The following DLG2 variants were observed in gnomAD, a reference collection of about 807,000 sequenced individuals.
The protein encoded by DLG2 is discs large MAGUK scaffold protein 2, also known as disks large homolog 2.
DLG2 carries 45 observed loss-of-function variants against 132.5 expected under a neutral mutation model. The observed-to-expected ratio is 0.34, with a 90% CI of 0.27 to 0.44. DLG2 has a LOEUF of 0.44. Ranked by LOEUF, DLG2 falls within the 20% of genes least tolerant of loss-of-function variation. DLG2 has a pLI of 1.00. For missense variants in DLG2, 1,045 were observed against 1,196.9 expected (o/e 0.87, Z 1.87); for synonymous variants, 424 against 419.6 (o/e 1.01, Z -0.13).
intron 3 of DLG2, among the ~76,000 whole-genome samples, chr11:85,498,962 G>T (rs973783241): frequency 1.3e-5 from 2 of 152,104 alleles, no homozygotes; most frequent in Non-Finnish European, 2.9e-5. Flanking sequence ...GAAATTTATA[G>T]CACTAAATGC....
intron 7 of DLG2, among the ~76,000 whole-genome samples, chr11:84,398,970 T>C (rs752305995): frequency 2.8e-4 from 43 of 152,218 alleles, no homozygotes; most frequent in Admixed American, 4.6e-4. Context: ...TCTATGACAC[T>C]TTCTCAGTTA....
chr11:83,741,563 A>G (rs937523973), intron 18 of DLG2, among the ~76,000 whole-genome samples: 3 of 152,178 alleles, frequency 2.0e-5, no homozygotes, highest in African/African-American at 7.2e-5. Flanking sequence ...AATAGCCACA[A>G]AGAAAACGGA....
chr11:83,842,244 A>G (rs544401573), intron 16 of DLG2, among the ~76,000 whole-genome samples: 14 of 152,212 alleles, frequency 9.2e-5, no homozygotes, highest in Admixed American at 2.6e-4. Flanking sequence ...AGGAGAAAGG[A>G]GGTGCTGTAG....
chr11:83,555,449 G>A (rs1020641268), intron 19 of DLG2, among the ~76,000 whole-genome samples: 3 of 152,192 alleles, frequency 2.0e-5, no homozygotes, highest in Non-Finnish European at 2.9e-5. Flanking sequence ...AGGTAGTGGG[G>A]AAAGGTAGTA....
chr11:85,541,001 C>G (rs117359572), intron 3 of DLG2, among the ~76,000 whole-genome samples: 2,485 of 152,358 alleles, frequency 0.016, 34 homozygotes, highest in Middle Eastern at 0.034. Flanking sequence ...TTCCCTGGAA[C>G]ACTTCCCAGG....
chr11:84,102,176 CTG>C (rs1443754050), intron 9 of DLG2, among the ~76,000 whole-genome samples: 1 of 152,098 alleles, frequency 6.6e-6, no homozygotes, highest in Non-Finnish European at 1.5e-5. Flanking sequence ...GATCACATTT[CTG>C]TGTTTTTGCA....
At chr11:84,962,760 A>G (rs1187179572) in intron 6 of DLG2, among the ~76,000 whole-genome samples, 1 of 152,230 alleles carries the variant, frequency 6.6e-6, no homozygotes, top group African/African-American at 2.4e-5. Context: ...AAGAAATAGC[A>G]GTAGTAGTGA....
rs993834458 is a variant in DLG2 at position 85,025,853 on chromosome 11, A to C, written c.357+85808T>G. On this transcript the variant is annotated intron_variant, in intron 6 of 27. Coordinates refer to ENST00000376104, the MANE Select transcript of DLG2 (RefSeq NM_001142699.3). Reference sequence around the variant, plus strand: ...TATGTATTAGAACTCAGTATATGATAAACATAACATTCTACTTTAGAGTGC... The same window carrying C: ...TATGTATTAGAACTCAGTATATGATCAACATAACATTCTACTTTAGAGTGC... 3.4e-4 allele frequency among the ~76,000 whole-genome samples: 19 copies of C among 55,082 alleles called. No individual in the cohort carries two copies. In the South Asian group the frequency reaches 7.1e-3, roughly 21 times the overall value. 36.1% of individuals were successfully genotyped at this position (55,082 alleles called of 152,430 possible). A position where few individuals can be genotyped will look rare whatever the true frequency, so the allele number is the denominator to read the frequency against.
chr11:85,512,346 G>A (rs903637590), intron 3 of DLG2, among the ~76,000 whole-genome samples: 1 of 152,112 alleles, frequency 6.6e-6, no homozygotes, highest in African/African-American at 2.4e-5. Flanking sequence ...AAGTGACTAT[G>A]CTGAAGTTAA....
chr11:84,886,506 C>T (rs1390915083), intron 6 of DLG2, among the ~76,000 whole-genome samples: 1 of 152,120 alleles, frequency 6.6e-6, no homozygotes, highest in Non-Finnish European at 1.5e-5. Context: ...TGCTTACCCA[C>T]AAACATCTCT....
intron 18 of DLG2, among the ~76,000 whole-genome samples, chr11:83,713,479 G>T (rs1177230228): frequency 6.6e-6 from 1 of 152,142 alleles, no homozygotes; most frequent in Non-Finnish European, 1.5e-5. Flanking sequence ...TAAATGTAGG[G>T]TTCATGTTCC....
chr11:85,340,448 T>C (rs1379816504), intron 3 of DLG2, among the ~76,000 whole-genome samples: 3 of 152,082 alleles, frequency 2.0e-5, no homozygotes, highest in Non-Finnish European at 4.4e-5. Flanking sequence ...ATGAGATCAC[T>C]TGGACACAGG....
Position 85,493,506 on chromosome 11 carries a change from A to G in DLG2, c.40+105151T>C, listed in dbSNP as rs116844318. Among the ~76,000 whole-genome samples the G allele has an allele frequency of 5.6e-3, 850 of 152,266 alleles. 5 individuals are homozygous for G. Among genetic ancestry groups the G allele is most frequent in the Middle Eastern group, 0.01 (3 of 294 alleles). On this transcript the variant is annotated intron_variant, in intron 3 of 27. Coordinates refer to ENST00000376104, the MANE Select transcript of DLG2 (RefSeq NM_001142699.3). ...GTACCATGAACTGCGTAATTTATAA[A>G]CAATAGAAATTTAGCTGGGTTCACT... is the stretch of plus-strand genomic sequence containing the variant.
rs1300554666 is a variant in DLG2, at chr11:84,071,099, AT to A, written c.750-11616del. Among the ~76,000 whole-genome samples, 5 of 151,906 alleles carry A rather than the reference AT, an allele frequency of 3.3e-5. No homozygotes were observed. In the East Asian group the frequency reaches 7.7e-4, roughly 24 times the overall value. ...TTAGTTAATTAATTACTTTGTATTT[AT>A]TTATTGTTTTTGAGAAGGGTCTCAT... On this transcript the variant is annotated intron_variant, in intron 10 of 27. Coordinates refer to ENST00000376104, the MANE Select transcript of DLG2 (RefSeq NM_001142699.3).
intron 18 of DLG2, among the ~76,000 whole-genome samples, chr11:83,726,436 GT>G (rs935174650): frequency 1.3e-5 from 2 of 152,010 alleles, no homozygotes; most frequent in East Asian, 3.9e-4. Context: ...TAGGAGAAAA[GT>G]TTTTTAAAAA....
chr11:84,952,089 C>T (rs1349367282), intron 6 of DLG2, among the ~76,000 whole-genome samples: 1 of 152,148 alleles, frequency 6.6e-6, no homozygotes, highest in Non-Finnish European at 1.5e-5. Flanking sequence ...CAATTAAATG[C>T]TTTTTCTTAT....
chr11:84,680,137 T>G (rs1185981504), intron 6 of DLG2, among the ~76,000 whole-genome samples: 1 of 152,164 alleles, frequency 6.6e-6, no homozygotes, highest in East Asian at 1.9e-4. Context: ...TCTTCCAGCA[T>G]ATGGTCTTTG....
intron 6 of DLG2, among the ~76,000 whole-genome samples, chr11:84,821,665 A>C (rs186462072): frequency 2.6e-5 from 4 of 151,404 alleles, no homozygotes; most frequent in African/African-American, 9.7e-5. Context: ...AAAAACAAAA[A>C]AACAACTTTG....
chr11:85,476,814 CT>C (rs1351511654), intron 3 of DLG2, among the ~76,000 whole-genome samples: 1 of 152,052 alleles, frequency 6.6e-6, no homozygotes, highest in Non-Finnish European at 1.5e-5. Context: ...AGAATACCTC[CT>C]GAAGGACCTG....
Sources: gnomAD v4.1 joint callset for allele counts (sites outside exome capture counted in the v4.1 genomes callset) on GRCh38, gnomAD v4.1.1 for gene constraint, MANE v1.5 for transcripts, NCBI Gene and HGNC (gene_info 2026-07-23, HGNC 2026-07-21) for gene names.